GCG: variants seen among roughly 807,000 people sequenced by gnomAD.
GCG encodes pro-glucagon.
In GCG, 11 loss-of-function variants were observed where a neutral mutation model predicts 22.8. That is an observed-to-expected ratio of 0.48 (90% CI 0.30 to 0.80). The LOEUF (loss-of-function observed/expected upper bound fraction) is 0.80, where lower values mean the gene tolerates loss of function less well. GCG is among the 30% of genes least tolerant of loss of function. GCG has a pLI of 0.06. For missense variants in GCG, 222 were observed against 222.0 expected (o/e 1.00, Z 0.00); for synonymous variants, 89 against 72.4 (o/e 1.23, Z -1.16).
intron 3 of GCG, among the ~76,000 whole-genome samples, chr2:162,145,878 C>T (rs924275993): frequency 1.3e-5 from 2 of 152,086 alleles, no homozygotes; most frequent in Admixed American, 1.3e-4. Context: ...TAATAACAAT[C>T]GGTGGGCTAA....
chr2:162,149,541 G>A (rs921381897), intron 1 of GCG, among the ~76,000 whole-genome samples: 1 of 151,940 alleles, frequency 6.6e-6, no homozygotes, highest in Non-Finnish European at 1.5e-5. Flanking sequence ...GCTACATATG[G>A]TTAGCCTGAA....
intron 3 of GCG, 102 bp downstream of exon 3, chr2:162,147,250 TG>T: frequency 2.4e-6 from 2 of 837,364 alleles, no homozygotes; most frequent in Non-Finnish European, 2.0e-6. Context: ...TCAGGGCTTA[TG>T]GGCACTATTT....
intron 3 of GCG, among the ~76,000 whole-genome samples, chr2:162,146,740 G>A (rs1407871888): frequency 7.9e-5 from 12 of 151,898 alleles, no homozygotes; most frequent in Non-Finnish European, 1.5e-4. Flanking sequence ...AAACCCTTGC[G>A]GATAATTTCC....
chr2:162,149,133 G>C lies in GCG; in HGVS notation c.46C>G (p.Gln16Glu), dbSNP rs767533221. The C allele has an allele frequency of 6.2e-6, 10 of 1,612,232 alleles. No individual in the cohort carries two copies. In the South Asian group the frequency reaches 7.7e-5, roughly 12 times the overall value. Residue 16 changes from glutamine (Q) to glutamate (E), a missense_variant, in exon 2 of 6, where the codon CAA (glutamine) becomes GAA (glutamate). By Grantham distance (29) the Gln-to-Glu change is conservative. Transcript: ENST00000418842. The part of the protein sequence containing the change: ...FVAGLFVMLV[Q>E]GSWQRSLQDT... ...TGAAGGGAACGTTGCCAGCTGCCTT[G>C]TACCAGCATTACAAATAATCCAGCC...
At chr2:162,144,324 C>G in intron 4 of GCG, 154 bp from the exon 5 acceptor site, 1 of 621,328 alleles carries the variant, frequency 1.6e-6, no homozygotes, top group Non-Finnish European at 2.8e-6. Flanking sequence ...GATAAAAACC[C>G]ATGTGGACCA....
At chr2:162,149,761 G>T (rs1467273975) in intron 1 of GCG, among the ~76,000 whole-genome samples, 1 of 151,926 alleles carries the variant, frequency 6.6e-6, no homozygotes, top group African/African-American at 2.4e-5. Context: ...ATTATAAAGC[G>T]GCCAACAGAT....
intron 5 of GCG, 80 bp downstream of exon 5, chr2:162,143,947 T>C (rs758289435): frequency 8.5e-7 from 1 of 1,183,126 alleles, no homozygotes; most frequent in African/African-American, 1.5e-5. Context: ...TCCCCCTACA[T>C]GGGGAACAGC....
At position 162,149,886 on chromosome 2, in the gene GCG, A is replaced by G. The variant is rs371509043; in HGVS notation, c.-9-699T>C. Among the ~76,000 whole-genome samples the G allele has an allele frequency of 2.6e-5, 4 of 152,164 alleles. No individual in the cohort carries two copies. The South Asian group carries it at 6.2e-4, about 24-fold the overall frequency. On this transcript the variant is annotated intron_variant, in intron 1 of 5. Transcript: ENST00000418842. Reference sequence around the variant, plus strand: ...TCTGGCAACGTGAACAATCACAACTAAAAAACTAAGAGATTACTATGTAAA... The same window carrying G: ...TCTGGCAACGTGAACAATCACAACTGAAAAACTAAGAGATTACTATGTAAA...
At chr2:162,143,998 G>GT in intron 5 of GCG, 29 bp downstream of exon 5, 1 of 1,601,514 alleles carries the variant, frequency 6.2e-7, no homozygotes, top group Middle Eastern at 1.7e-4. Context: ...GAATTTGATG[G>GT]TTTTCAGAAT....
Position 162,147,366 on chromosome 2 carries a change from T to TAATGA in GCG, c.240_241insTCATT (p.Thr81SerfsTer29), listed in dbSNP as rs1221801787. 1 of 1,612,802 alleles carries TAATGA rather than the reference T, an allele frequency of 6.2e-7. No individual in the cohort carries two copies. Among genetic ancestry groups the TAATGA allele is most frequent in the Non-Finnish European group, 8.5e-7 (1 of 1,179,004 alleles). ...TTAGACTCTTACCTGTTCCTCTTGGTATTCATCAACCACTGCACAAAATCT... is the reference window on the plus strand; with the variant it reads ...TTAGACTCTTACCTGTTCCTCTTGGTAATGAATTCATCAACCACTGCACAAAATCT... On this transcript the variant is annotated frameshift_variant, in exon 3 of 6. Coordinates refer to ENST00000418842, the MANE Select transcript of GCG (RefSeq NM_002054.5). LOFTEE classifies it high-confidence loss of function.
intron 5 of GCG, 28 bp from the exon 6 acceptor site, chr2:162,143,398 A>G: frequency 1.2e-6 from 1 of 855,308 alleles, no homozygotes; most frequent in Non-Finnish European, 1.9e-6. Flanking sequence ...AAAATGATTT[A>G]ACATAATTAT....
At chr2:162,149,327 A>T in intron 1 of GCG, 140 bp from the exon 2 acceptor site, 1 of 554,158 alleles carries the variant, frequency 1.8e-6, no homozygotes, top group East Asian at 2.9e-5. Context: ...TATTCTGATT[A>T]TATTTTCAGC....
At chr2:162,146,568 CTCTCT>C (rs1686691379) in intron 3 of GCG, among the ~76,000 whole-genome samples, 1 of 133,380 alleles carries the variant, frequency 7.5e-6, no homozygotes, top group African/African-American at 3.7e-5. Flanking sequence ...CTCTCTCTCT[CTCTCT>C]CCTTTCTTAC....
chr2:162,146,213 C>T (rs1036962178), intron 3 of GCG, among the ~76,000 whole-genome samples: 13 of 152,050 alleles, frequency 8.5e-5, no homozygotes, highest in Non-Finnish European at 1.8e-4. Context: ...TGCAGAGCAC[C>T]GTGGAGGTGA....
rs757350391 is a variant in GCG, at chr2:162,144,132, C to A, written c.431G>T (p.Arg144Leu). Residue 144 changes from arginine to leucine, a missense_variant, in exon 5 of 6, where the codon CGC becomes CTC. Arg to Leu is a moderately radical substitution (Grantham distance 102). Transcript: ENST00000418842. ...AGAGAAAGAACCATCAGCATGTCTG[C>A]GGCCAAGTTCTTCAACAATGGCGAC... is the stretch of plus-strand genomic sequence containing the variant. ...EEVAIVEELG[R>L]RHADGSFSDE... The A allele has an allele frequency of 1.2e-6, 2 of 1,611,004 alleles. No homozygotes were observed. Among genetic ancestry groups the A allele is most frequent in the East Asian group, 2.2e-5 (1 of 44,872 alleles).
In GCG at chr2:162,145,551, T is replaced by G; in HGVS notation, c.381A>C (p.Arg127=). The change falls in exon 4 of 6, where the codon CGA becomes CGC. Residue 127 remains arginine (R), a synonymous_variant. Coordinates refer to ENST00000418842, the MANE Select transcript of GCG (RefSeq NM_002054.5). The stretch of plus-strand genomic sequence containing the variant: ...ATGTACAGACTTACTCTCGCCTTCC[T>G]CGGCCTTTCACCAGCCAAGCAATGA... ...KEFIAWLVKG[R]GRRDFPEEVA... The G allele has an allele frequency of 6.2e-7, 1 of 1,608,840 alleles. No homozygotes were observed. The highest frequency in any genetic ancestry group is 8.5e-7 in the Non-Finnish European group (1 of 1,177,822).
intron 4 of GCG, 69 bp from the exon 5 acceptor site, chr2:162,144,239 C>T: frequency 8.4e-7 from 1 of 1,184,710 alleles, no homozygotes; most frequent in Non-Finnish European, 1.3e-6. Context: ...GATTGTCTAC[C>T]ACTGGTAACA....
At position 162,144,091 on chromosome 2, in the gene GCG, T is replaced by C. The variant is rs150179526; in HGVS notation, c.472A>G (p.Ile158Val). The change falls in exon 5 of 6, where the codon ATT becomes GTT. Residue 158 changes from isoleucine to valine, a missense_variant. By Grantham distance (29) the Ile-to-Val change is conservative. Transcript: ENST00000418842. ...TCCCTGGCGGCAAGATTATCAAGAA[T>C]GGTGTTCATCTCATCAGAGAAAGAA... is the stretch of plus-strand genomic sequence containing the variant. ...DGSFSDEMNTILDNLAARDFI... is the reference protein window; with the variant it reads ...DGSFSDEMNTVLDNLAARDFI... The C allele has an allele frequency of 2.5e-3, 4,052 of 1,612,636 alleles. 19 individuals carry two copies. The highest frequency in any genetic ancestry group is 6.4e-3 in the South Asian group (587 of 91,056).
chr2:162,143,736 T>C (rs1686612433), intron 5 of GCG, among the ~76,000 whole-genome samples: 1 of 152,220 alleles, frequency 6.6e-6, no homozygotes, highest in Non-Finnish European at 1.5e-5. Context: ...TGTGACAATA[T>C]GTGAATGATG....
Sources: gnomAD v4.1 joint callset for allele counts (sites outside exome capture counted in the v4.1 genomes callset) on GRCh38, gnomAD v4.1.1 for gene constraint, MANE v1.5 for transcripts, NCBI Gene and HGNC (gene_info 2026-07-23, HGNC 2026-07-21) for gene names.